Variants in NCOA2 observed in about 807,000 individuals in gnomAD.
NCOA2 encodes class E basic helix-loop-helix protein 75.
In NCOA2, 21 loss-of-function variants were observed where a neutral mutation model predicts 145.1. That is an observed-to-expected ratio of 0.14 (90% CI 0.10 to 0.21). The LOEUF is 0.21. NCOA2 is among the 10% of genes least tolerant of loss of function. NCOA2 has a pLI of 1.00. For missense variants in NCOA2, 1,472 were observed against 1,837.6 expected, an observed-to-expected ratio of 0.80 and a Z score of 3.64; for synonymous variants, 619 against 637.5, an observed-to-expected ratio of 0.97 and a Z score of 0.44.
the NCOA2 span, among the ~76,000 whole-genome samples, chr8:70,413,232 A>G: frequency 6.6e-6 from 1 of 151,952 alleles, no homozygotes; most frequent in Non-Finnish European, 1.5e-5. Context: ...CATCTTAGCT[A>G]TTTTTAAGTT....
intron 21 of NCOA2, among the ~76,000 whole-genome samples, chr8:70,123,449 G>A (rs751609074): frequency 1.6e-4 from 25 of 152,100 alleles, no homozygotes; most frequent in Non-Finnish European, 3.1e-4. Context: ...GCCGGGAGAC[G>A]GATGTTGCAG....
At chr8:70,283,003 A>AC (rs1329436249) in intron 2 of NCOA2, among the ~76,000 whole-genome samples, 1 of 152,206 alleles carries the variant, frequency 6.6e-6, no homozygotes. Flanking sequence ...CCAGAAGGCC[A>AC]CCCACAAGCA....
rs1819204842 is a variant in NCOA2, at chr8:70,213,042, AC to A, written c.259+860del. On this transcript the variant is annotated intron_variant, in intron 4 of 22. Transcript: ENST00000452400. ...GAGGTTGCAGTGAGTTGAGGATCAC[AC>A]CACTGCACCCCAGCCTGGGCGATAG... 4.0e-5 allele frequency among the ~76,000 whole-genome samples: 6 copies of A among 148,438 alleles called. No homozygotes were observed. In the Admixed American group the frequency reaches 4.1e-4, roughly 10 times the overall value.
At chr8:70,121,066 TAAATA>T (rs1807751561) in intron 22 of NCOA2, among the ~76,000 whole-genome samples, 1 of 152,124 alleles carries the variant, frequency 6.6e-6, no homozygotes, top group Non-Finnish European at 1.5e-5. Context: ...AAAAAAAAGA[TAAATA>T]AATAAAAAAA....
intron 2 of NCOA2, among the ~76,000 whole-genome samples, chr8:70,279,087 G>A (rs1020841507): frequency 1.2e-4 from 18 of 151,884 alleles, no homozygotes; most frequent in South Asian, 2.1e-4. Flanking sequence ...GGATGATCTC[G>A]CCTTACCAAT....
chr8:70,451,400 C>CA, the NCOA2 span, among the ~76,000 whole-genome samples: 4,360 of 67,396 alleles, frequency 0.065, 181 homozygotes, highest in African/African-American at 0.14. Context: ...AGAGTGAGAC[C>CA]AAAAAAAAAA....
At chr8:70,337,367 G>T (rs937717666) in intron 1 of NCOA2, among the ~76,000 whole-genome samples, 7 of 152,128 alleles carry the variant, frequency 4.6e-5, no homozygotes, top group African/African-American at 1.4e-4. Flanking sequence ...ACAAAGGAAA[G>T]AATTTGGACG....
At chr8:70,141,475 T>A (rs1810420331) in intron 13 of NCOA2, 76 bp from the exon 14 acceptor site, 2 of 1,284,612 alleles carry the variant, frequency 1.6e-6, no homozygotes, top group Admixed American at 2.0e-5. Context: ...CCAGATGATC[T>A]TACCCTACAA....
the NCOA2 span, among the ~76,000 whole-genome samples, chr8:70,451,217 C>CA: frequency 0.011 from 717 of 65,318 alleles, 14 homozygotes; most frequent in Non-Finnish European, 0.014. Context: ...GACTCCGTCT[C>CA]AAAAAAAAAA....
At chr8:70,365,639 A>G (rs1342462291) in intron 1 of NCOA2, among the ~76,000 whole-genome samples, 1 of 152,228 alleles carries the variant, frequency 6.6e-6, no homozygotes, top group Non-Finnish European at 1.5e-5. Context: ...ATATTTTCCT[A>G]TGGTGCCCTT....
intron 12 of NCOA2, among the ~76,000 whole-genome samples, chr8:70,146,652 C>T (rs901400621): frequency 2.0e-5 from 3 of 151,806 alleles, no homozygotes; most frequent in African/African-American, 4.8e-5. Flanking sequence ...CTACACAGTC[C>T]TTCATAACCT....
chr8:70,237,024 A>C (rs1351023842), intron 2 of NCOA2, among the ~76,000 whole-genome samples: 1 of 152,226 alleles, frequency 6.6e-6, no homozygotes, highest in East Asian at 1.9e-4. Flanking sequence ...ATTGTAAAAA[A>C]ATCCTAGGCC....
At chr8:70,297,829 C>A (rs1165240179) in intron 1 of NCOA2, among the ~76,000 whole-genome samples, 1 of 152,182 alleles carries the variant, frequency 6.6e-6, no homozygotes. Flanking sequence ...TCTGATCCTT[C>A]CACTGCACCA....
chr8:70,240,490 T>G (rs1466068053), intron 2 of NCOA2, among the ~76,000 whole-genome samples: 1 of 152,160 alleles, frequency 6.6e-6, no homozygotes, highest in Non-Finnish European at 1.5e-5. Context: ...ATTATCTTTC[T>G]TCAGTCTCTT....
chr8:70,188,195 AAATAAACTG>A (rs1463652854), intron 4 of NCOA2, among the ~76,000 whole-genome samples: 1 of 152,234 alleles, frequency 6.6e-6, no homozygotes, highest in African/African-American at 2.4e-5. Flanking sequence ...CCTGCTTCTC[AAATAAACTG>A]AATACTGTCT....
At chr8:70,420,325 T>C in the NCOA2 span, among the ~76,000 whole-genome samples, 1 of 152,250 alleles carries the variant, frequency 6.6e-6, no homozygotes, top group Non-Finnish European at 1.5e-5. Context: ...AACCTATTTA[T>C]CCAAGGCAGA....
intron 4 of NCOA2, among the ~76,000 whole-genome samples, chr8:70,193,127 A>G (rs1227977271): frequency 1.3e-5 from 2 of 151,804 alleles, no homozygotes; most frequent in Non-Finnish European, 2.9e-5. Context: ...AAAATGATAT[A>G]TAACATGAAG....
the NCOA2 span, among the ~76,000 whole-genome samples, chr8:70,415,397 G>A: frequency 6.6e-6 from 1 of 152,094 alleles, no homozygotes; most frequent in African/African-American, 2.4e-5. Flanking sequence ...GAAATTTACA[G>A]CAGATGCGGC....
At chr8:70,232,601 C>T (rs964534162) in intron 2 of NCOA2, among the ~76,000 whole-genome samples, 1 of 152,170 alleles carries the variant, frequency 6.6e-6, no homozygotes, top group Non-Finnish European at 1.5e-5. Context: ...GATCCTTCTG[C>T]CTGTAAACAC....
Sources: allele counts gnomAD v4.1 joint callset (sites outside exome capture counted in the v4.1 genomes callset), GRCh38; gene constraint gnomAD v4.1.1; transcripts MANE v1.5; gene names NCBI Gene and HGNC (gene_info 2026-07-23, HGNC 2026-07-21).